The following ELOVL6 variants were observed in gnomAD, a reference collection of about 807,000 sequenced individuals.
ELOVL6 encodes very long chain fatty acid elongase 6.
ELOVL6 carries 8 observed loss-of-function variants against 31.7 expected under a neutral mutation model. The ratio of observed to expected loss-of-function variants is 0.25; its 90% CI spans 0.15 to 0.45. The LOEUF (loss-of-function observed/expected upper bound fraction) is 0.45, where lower values mean the gene tolerates loss of function less well. ELOVL6 is among the 20% of genes least tolerant of loss of function. ELOVL6 has a pLI of 1.00. For missense variants in ELOVL6, 126 were observed against 326.4 expected, an observed-to-expected ratio of 0.39 and a Z score of 4.73; for synonymous variants, 101 against 117.7, an observed-to-expected ratio of 0.86 and a Z score of 0.92.
At chr4:110,137,863 A>G (rs150616939) in intron 1 of ELOVL6, among the ~76,000 whole-genome samples, 1 of 152,220 alleles carries the variant, frequency 6.6e-6, no homozygotes. Context: ...ATTCATTTAC[A>G]TGATTAGGGC....
chr4:110,093,464 G>A (rs1756481028), intron 2 of ELOVL6, among the ~76,000 whole-genome samples: 1 of 152,166 alleles, frequency 6.6e-6, no homozygotes, highest in African/African-American at 2.4e-5. Context: ...TAGTTCCTGT[G>A]AGAATGAGAA....
chr4:110,183,541 T>A (rs1287258864), intron 1 of ELOVL6, among the ~76,000 whole-genome samples: 4 of 152,200 alleles, frequency 2.6e-5, no homozygotes, highest in African/African-American at 9.7e-5. Flanking sequence ...TCTTCAAATA[T>A]TTTACAGTGC....
Position 110,173,202 on chromosome 4 carries a change from G to A in ELOVL6, c.89+25045C>T, listed in dbSNP as rs530281031. 6.6e-5 allele frequency among the ~76,000 whole-genome samples: 10 copies of A among 152,296 alleles called. 1 individual carries two copies. Among genetic ancestry groups the A allele is most frequent in the African/African-American group, 1.9e-4 (8 of 41,572 alleles). On this transcript the variant is annotated intron_variant, in intron 1 of 3. Coordinates refer to ENST00000302274, the MANE Select transcript of ELOVL6 (RefSeq NM_024090.3). The stretch of plus-strand genomic sequence containing the variant: ...TATTGGGTGTGACTTAGTCAAGCAT[G>A]AGAACAAACAGAGAGAAATATGAAC...
chr4:110,103,111 G>A (rs1039009762), intron 2 of ELOVL6, among the ~76,000 whole-genome samples: 17 of 151,918 alleles, frequency 1.1e-4, no homozygotes, highest in South Asian at 2.1e-4. Context: ...TATACCTCCC[G>A]CCATGATTCT....
At chr4:110,132,888 T>C (rs1007658214) in intron 1 of ELOVL6, among the ~76,000 whole-genome samples, 3 of 151,434 alleles carry the variant, frequency 2.0e-5, no homozygotes, top group Non-Finnish European at 2.9e-5. Flanking sequence ...AGATAGTTAA[T>C]AGCAATATAG....
chr4:110,158,052 T>C (rs1023434249), intron 1 of ELOVL6, among the ~76,000 whole-genome samples: 1 of 152,220 alleles, frequency 6.6e-6, no homozygotes, highest in Non-Finnish European at 1.5e-5. Context: ...ACATTGAAAC[T>C]GTATTTGTCA....
Position 110,049,550 on chromosome 4 carries a change from T to C in ELOVL6, c.*1788A>G, listed in dbSNP as rs150566425. ...AATAATTCGAAAAAATCCCTTTTAC[T>C]GTACACTCTCAAAGCAAGAAAGAGA... is the stretch of plus-strand genomic sequence containing the variant. On this transcript the variant is annotated 3_prime_UTR_variant, in exon 4 of 4. Coordinates refer to ENST00000302274, the MANE Select transcript of ELOVL6 (RefSeq NM_024090.3). The C allele has an allele frequency of 6.6e-6, 1 of 152,658 alleles. No individual in the cohort carries two copies. Among genetic ancestry groups the C allele is most frequent in the East Asian group, 1.9e-4 (1 of 5,188 alleles). 9.5% of individuals were successfully genotyped at this position (152,658 alleles called of 1,614,324 possible). A position where few individuals can be genotyped will look rare whatever the true frequency, so the allele number is the denominator to read the frequency against.
chr4:110,176,452 G>A (rs565641643), intron 1 of ELOVL6, among the ~76,000 whole-genome samples: 36 of 152,250 alleles, frequency 2.4e-4, no homozygotes, highest in South Asian at 8.3e-4. Context: ...GAGCCACTGC[G>A]CCTAGCCTCA....
intron 2 of ELOVL6, among the ~76,000 whole-genome samples, chr4:110,071,580 T>C (rs1755482475): frequency 6.6e-6 from 1 of 152,136 alleles, no homozygotes; most frequent in Non-Finnish European, 1.5e-5. Flanking sequence ...AAAGCTTCAG[T>C]TTCAGAACCA....
At chr4:110,086,421 T>C (rs1756265669) in intron 2 of ELOVL6, among the ~76,000 whole-genome samples, 1 of 152,240 alleles carries the variant, frequency 6.6e-6, no homozygotes, top group South Asian at 2.1e-4. Context: ...GGCATGTGAA[T>C]CTCTTACATC....
intron 1 of ELOVL6, among the ~76,000 whole-genome samples, chr4:110,158,018 T>G (rs1758503476): frequency 6.6e-6 from 1 of 152,212 alleles, no homozygotes; most frequent in Admixed American, 6.6e-5. Context: ...AACACAAAGA[T>G]AAACCAAAGT....
intron 2 of ELOVL6, among the ~76,000 whole-genome samples, chr4:110,084,223 A>G (rs1756082396): frequency 1.8e-5 from 1 of 56,066 alleles, no homozygotes; most frequent in Non-Finnish European, 3.4e-5. Context: ...TATAACTTAT[A>G]TGATATATAT....
intron 1 of ELOVL6, among the ~76,000 whole-genome samples, chr4:110,164,085 G>A (rs913586484): frequency 6.6e-6 from 1 of 152,184 alleles, no homozygotes; most frequent in Non-Finnish European, 1.5e-5. Context: ...ACTTTTCATG[G>A]AGAGCCTAGA....
intron 1 of ELOVL6, among the ~76,000 whole-genome samples, chr4:110,186,741 T>A (rs1182502453): frequency 6.9e-6 from 1 of 144,708 alleles, no homozygotes; most frequent in Non-Finnish European, 1.5e-5. Context: ...GAGGTGGAGG[T>A]TGCAGTGAGT....
chr4:110,084,057 G>C lies in ELOVL6; in HGVS notation c.221+21440C>G, dbSNP rs1404864841. ...ATGGTATATAACACATGCTATATATGATATATAACATATATATGCTATATA... is the reference window on the plus strand; with the variant it reads ...ATGGTATATAACACATGCTATATATCATATATAACATATATATGCTATATA... On this transcript the variant is annotated intron_variant, in intron 2 of 3. Transcript: ENST00000302274. 5.8e-4 allele frequency among the ~76,000 whole-genome samples: 11 copies of C among 18,882 alleles called. 1 individual carries two copies. Among genetic ancestry groups the C allele is most frequent in the East Asian group, 2.2e-3 (1 of 462 alleles). The allele number at this position is 18,882 out of a possible 152,430, so 12.4% of individuals were successfully genotyped here.
intron 1 of ELOVL6, among the ~76,000 whole-genome samples, chr4:110,120,715 C>T (rs866955373): frequency 2.0e-5 from 3 of 151,820 alleles, no homozygotes; most frequent in Middle Eastern, 3.5e-3. Context: ...CATTGTATAC[C>T]AGGAATGTTA....
intron 1 of ELOVL6, among the ~76,000 whole-genome samples, chr4:110,154,866 A>G (rs1758370583): frequency 2.0e-5 from 3 of 152,238 alleles, no homozygotes; most frequent in African/African-American, 4.8e-5. Context: ...AAGAAATGCT[A>G]GGTCAAAAAT....
intron 1 of ELOVL6, among the ~76,000 whole-genome samples, chr4:110,113,352 G>T (rs1352144525): frequency 1.3e-5 from 2 of 152,180 alleles, no homozygotes; most frequent in Non-Finnish European, 1.5e-5. Context: ...GGGCAAGGCG[G>T]GAATATTACT....
At chr4:110,095,530 T>C (rs1471318241) in intron 2 of ELOVL6, among the ~76,000 whole-genome samples, 1 of 151,486 alleles carries the variant, frequency 6.6e-6, no homozygotes, top group African/African-American at 2.4e-5. Context: ...AAGGTGTGTC[T>C]GTTTTGCAGG....
Sources: allele counts gnomAD v4.1 joint callset (sites outside exome capture counted in the v4.1 genomes callset), GRCh38; gene constraint gnomAD v4.1.1; transcripts MANE v1.5; gene names NCBI Gene and HGNC (gene_info 2026-07-23, HGNC 2026-07-21).